The following ATP2B3 variants were observed in gnomAD, a reference collection of about 807,000 sequenced individuals.
The protein encoded by ATP2B3 is plasma membrane calcium-transporting ATPase 3.
ATP2B3 carries 12 observed loss-of-function variants against 70.8 expected under a neutral mutation model. The observed-to-expected ratio is 0.17, with a 90% confidence interval of 0.11 to 0.27. The LOEUF (loss-of-function observed/expected upper bound fraction) is 0.27, where lower values mean the gene tolerates loss of function less well. Among genes scored for constraint, ATP2B3 ranks in the 10% least tolerant of loss-of-function variants. The pLI is 1.00. For synonymous variants in ATP2B3, 460 were observed against 497.8 expected (o/e 0.92, Z 1.01); for missense variants, 858 against 1,118.5 (o/e 0.77, Z 3.32).
chrX:153,563,809 T>C (rs2090662073), intron 20 of ATP2B3, among the ~76,000 whole-genome samples: 1 of 112,729 alleles, frequency 8.9e-6, no homozygotes, highest in Admixed American at 9.3e-5. Context: ...TTTTTAACCT[T>C]GTTCAGTTAC....
At chrX:153,538,115 T>G (rs1420925561) in intron 3 of ATP2B3, among the ~76,000 whole-genome samples, 6 of 112,702 alleles carry the variant, frequency 5.3e-5, no homozygotes, top group Admixed American at 1.9e-4. Flanking sequence ...CTGTCGGGCT[T>G]GAGCTGTCTG....
At chrX:153,552,020 C>T (rs1188879862) in intron 12 of ATP2B3, among the ~76,000 whole-genome samples, 1 of 112,858 alleles carries the variant, frequency 8.9e-6, no homozygotes, top group Non-Finnish European at 1.9e-5. Context: ...GGCCGCCCCA[C>T]CCACAGCGCT....
rs781847991 is a variant in ATP2B3, at chrX:153,532,605, G to A, written c.-126-3517G>A. ...CCCCCTGGCTGTCTCCCACCACGAG[G>A]CCGGCCAGTCTGTGCGGGGATGGTG... On this transcript the variant is annotated intron_variant, in intron 2 of 21. Transcript: ENST00000263519. Among the ~76,000 whole-genome samples, 5 of 112,357 alleles carry A rather than the reference G, an allele frequency of 4.5e-5. No individual in the cohort carries two copies. The South Asian group carries it at 1.9e-3, about 42-fold the overall frequency.
intron 21 of ATP2B3, among the ~76,000 whole-genome samples, chrX:153,579,033 C>T (rs1557022018): frequency 8.9e-6 from 1 of 112,857 alleles, no homozygotes; most frequent in Non-Finnish European, 1.9e-5. Flanking sequence ...GCTCTGAGTA[C>T]AGGCCTGGGC....
chrX:153,564,734 C>T (rs1175084556), intron 20 of ATP2B3, among the ~76,000 whole-genome samples, 187 bp from the exon 21 acceptor site: 6 of 113,483 alleles, frequency 5.3e-5, no homozygotes, highest in Non-Finnish European at 9.4e-5. Flanking sequence ...GGGAACACTA[C>T]GCCAGTTCTC....
intron 2 of ATP2B3, among the ~76,000 whole-genome samples, chrX:153,523,764 C>T (rs1180611091): frequency 1.0e-5 from 1 of 95,334 alleles, no homozygotes; most frequent in Non-Finnish European, 2.1e-5. Flanking sequence ...GGCGCGATCT[C>T]AGCTCACTGC....
chrX:153,546,138 C>A lies in ATP2B3; in HGVS notation c.958+9C>A. The A allele has an allele frequency of 8.3e-7, 1 of 1,210,409 alleles. No individual in the cohort carries two copies. The highest frequency in any genetic ancestry group is 1.1e-6 in the Non-Finnish European group (1 of 895,016). On this transcript the variant is annotated intron_variant, in intron 8 of 21. Transcript: ENST00000263519. ...GAGTAGCCAGACCAAAGGTAACGGG[C>A]GCCGCTGCTTGGGCACAACAAGCTT... is the stretch of plus-strand genomic sequence containing the variant.
intron 2 of ATP2B3, among the ~76,000 whole-genome samples, chrX:153,529,141 G>A (rs1415850936): frequency 8.9e-6 from 1 of 112,493 alleles, no homozygotes; most frequent in East Asian, 2.8e-4. Flanking sequence ...CCCTTCTGGG[G>A]ATGGAATGGG....
Position 153,568,300 on chromosome X carries a change from C to T in ATP2B3, c.3342+3197C>T, listed in dbSNP as rs140910096. On this transcript the variant is annotated intron_variant, in intron 21 of 21. Transcript: ENST00000263519. The stretch of plus-strand genomic sequence containing the variant: ...TTCGTCAGCAACTGGGCCTTGCTCC[C>T]GGCTCAGCTCTTGGGCTTCCAGGTG... Among the ~76,000 whole-genome samples, 71 of 111,718 alleles carry T rather than the reference C, an allele frequency of 6.4e-4. No homozygotes were observed. The East Asian group carries it at 0.019, about 30-fold the overall frequency.
At chrX:153,551,709 A>G (rs1270520219) in intron 12 of ATP2B3, among the ~76,000 whole-genome samples, 8 of 112,024 alleles carry the variant, frequency 7.1e-5, no homozygotes, top group Non-Finnish European at 1.5e-4. Flanking sequence ...CGAATTATCT[A>G]CTTTAAATGG....
intron 2 of ATP2B3, among the ~76,000 whole-genome samples, chrX:153,524,238 C>CTGTGTGTG (rs10701340): frequency 3.1e-4 from 33 of 106,200 alleles, no homozygotes; most frequent in African/African-American, 1.0e-3. Context: ...GTGTGTGTGT[C>CTGTGTGTG]TGTGTGTGTG....
intron 2 of ATP2B3, among the ~76,000 whole-genome samples, chrX:153,527,404 C>G (rs2090050782): frequency 8.8e-6 from 1 of 113,284 alleles, no homozygotes; most frequent in Admixed American, 9.2e-5. Flanking sequence ...GCAGGAGGGG[C>G]GTGGGGAGCA....
In ATP2B3 at chrX:153,555,807, A is replaced by G. The variant is rs782466310; in HGVS notation, c.2059-242A>G. Among the ~76,000 whole-genome samples, 16 of 112,512 alleles carry G rather than the reference A, an allele frequency of 1.4e-4. No homozygotes were observed. In the East Asian group the frequency reaches 2.8e-3, roughly 20 times the overall value. On this transcript the variant is annotated intron_variant, in intron 13 of 21. Transcript: ENST00000263519. ...TTCGAGTCCCATGCTTTTCCCTTTC[A>G]GTGCAGGATTCAATGAGTTACATGA...
chrX:153,561,597 A>T (rs2090625676), intron 19 of ATP2B3, among the ~76,000 whole-genome samples: 1 of 111,688 alleles, frequency 9.0e-6, no homozygotes, highest in Non-Finnish European at 1.9e-5. Context: ...TGGTAGGCTC[A>T]GGACTGGCTA....
In ATP2B3 at chrX:153,542,272, C is replaced by T. The variant is rs375014166; in HGVS notation, c.665-51C>T. 8.6e-5 allele frequency: 103 copies of T among 1,201,177 alleles called. 1 individual carries two copies. The highest frequency in any genetic ancestry group is 1.1e-4 in the Non-Finnish European group (99 of 890,745). ...GCACCTGACGGGACCTCCCCTGGGG[C>T]AGCCGGGAGGAGGCGGTGGGGAGAA... On this transcript the variant is annotated intron_variant, in intron 5 of 21. Transcript: ENST00000263519.
At chrX:153,560,604 C>G (rs1291069354) in intron 18 of ATP2B3, 72 bp from the exon 19 acceptor site, 4 of 1,100,622 alleles carry the variant, frequency 3.6e-6, no homozygotes, top group Non-Finnish European at 4.9e-6. Context: ...AGCTACACAC[C>G]GAAGTCTCGC....
At chrX:153,542,032 C>T (rs986884623) in intron 5 of ATP2B3, 106 bp downstream of exon 5, 14 of 908,836 alleles carry the variant, frequency 1.5e-5, no homozygotes, top group African/African-American at 6.8e-5. Context: ...CGGTGGCCTG[C>T]GTGTCGTCAC....
chrX:153,569,041 C>T (rs960161552), intron 21 of ATP2B3, among the ~76,000 whole-genome samples: 1 of 112,592 alleles, frequency 8.9e-6, no homozygotes, highest in African/African-American at 3.2e-5. Flanking sequence ...CAAAGCGAAG[C>T]CACGGCTGCC....
chrX:153,548,085 G>A (rs879979306), intron 9 of ATP2B3, 86 bp downstream of exon 9: 2 of 1,097,110 alleles, frequency 1.8e-6, no homozygotes, highest in South Asian at 4.8e-5. Context: ...AGGCTGTGTA[G>A]AGCAGGTGGG....
Sources: gnomAD v4.1 joint callset for allele counts (sites outside exome capture counted in the v4.1 genomes callset) on GRCh38, gnomAD v4.1.1 for gene constraint, MANE v1.5 for transcripts, NCBI Gene and HGNC (gene_info 2026-07-23, HGNC 2026-07-21) for gene names.